The following ZFPM2 variants were observed in gnomAD, a reference collection of about 807,000 sequenced individuals.
ZFPM2 encodes zinc finger protein, FOG family member 2.
In ZFPM2, 20 loss-of-function variants were observed where a neutral mutation model predicts 98.6. That is an observed-to-expected ratio of 0.20 (90% confidence interval 0.14 to 0.29). ZFPM2 has a LOEUF of 0.29. Among genes scored for constraint, ZFPM2 ranks in the 10% least tolerant of loss-of-function variants. ZFPM2 has a pLI of 1.00. For synonymous variants in ZFPM2, 518 were observed against 502.7 expected (o/e 1.03, Z -0.41); for missense variants, 1,310 against 1,388.6 (o/e 0.94, Z 0.90).
chr8:105,698,284 A>G (rs73700128), intron 5 of ZFPM2, among the ~76,000 whole-genome samples: 2,448 of 152,288 alleles, frequency 0.016, 42 homozygotes, highest in African/African-American at 0.056. Flanking sequence ...TGCAAAGCGG[A>G]AGAGACACTA....
intron 2 of ZFPM2, among the ~76,000 whole-genome samples, chr8:105,429,620 G>A (rs1254293768): frequency 6.6e-6 from 1 of 151,178 alleles, no homozygotes; most frequent in East Asian, 1.9e-4. Context: ...TTCTGTATTG[G>A]TGGCTGACTC....
chr8:105,396,381 G>T (rs948157732), intron 1 of ZFPM2, among the ~76,000 whole-genome samples: 25 of 152,242 alleles, frequency 1.6e-4, no homozygotes, highest in African/African-American at 5.8e-4. Flanking sequence ...TCTCTGGCCT[G>T]ATGGGAGTGA....
At chr8:105,418,727 A>G (rs766119158) in intron 1 of ZFPM2, 67 of 488,358 alleles carry the variant, frequency 1.4e-4, no homozygotes, top group Admixed American at 4.3e-4. Flanking sequence ...AATGCATTCA[A>G]TTACTTTAAA....
At chr8:105,336,546 ATACTC>A in intron 1 of ZFPM2, among the ~76,000 whole-genome samples, 1 of 151,846 alleles carries the variant, frequency 6.6e-6, no homozygotes, top group Middle Eastern at 3.4e-3. Context: ...ATCTTGTTGA[ATACTC>A]TAATTGAATA....
intron 3 of ZFPM2, among the ~76,000 whole-genome samples, chr8:105,545,353 T>A (rs901409977): frequency 6.6e-6 from 1 of 152,170 alleles, no homozygotes; most frequent in Non-Finnish European, 1.5e-5. Flanking sequence ...TTCTGTTTTT[T>A]TGTAGTAGCC....
intron 3 of ZFPM2, among the ~76,000 whole-genome samples, chr8:105,472,458 G>A (rs1812922575): frequency 6.6e-6 from 1 of 152,156 alleles, no homozygotes; most frequent in Non-Finnish European, 1.5e-5. Flanking sequence ...AATATGAAAA[G>A]ATCACTGACC....
At chr8:105,668,904 A>T (rs1029638256) in intron 5 of ZFPM2, among the ~76,000 whole-genome samples, 1 of 152,174 alleles carries the variant, frequency 6.6e-6, no homozygotes, top group Non-Finnish European at 1.5e-5. Flanking sequence ...GGTTTTTAAA[A>T]TTTTTTAAAT....
At chr8:105,571,058 G>A (rs1815344177) in intron 4 of ZFPM2, among the ~76,000 whole-genome samples, 1 of 152,156 alleles carries the variant, frequency 6.6e-6, no homozygotes, top group Non-Finnish European at 1.5e-5. Flanking sequence ...GATGATCAAA[G>A]CTGATCCACT....
At chr8:105,589,264 TATTAAAAATGACAATCCCCA>T (rs1231730932) in intron 4 of ZFPM2, among the ~76,000 whole-genome samples, 1 of 152,214 alleles carries the variant, frequency 6.6e-6, no homozygotes, top group African/African-American at 2.4e-5. Flanking sequence ...AGAAATAGTG[TATTAAAAATGACAATCCCCA>T]ATTTTATCAT....
rs576613497 is a variant in ZFPM2 at position 105,380,904 on chromosome 8, T to A, written c.41-38240T>A. ...TATATATTATAATATATATAATATA[T>A]AATATATATGTTATATATATTATAA... On this transcript the variant is annotated intron_variant, in intron 1 of 7. Transcript: ENST00000407775. Among the ~76,000 whole-genome samples the A allele has an allele frequency of 6.6e-4, 66 of 99,872 alleles. 1 individual carries two copies. The South Asian group carries it at 6.8e-3, about 10-fold the overall frequency. 65.5% of individuals were successfully genotyped at this position (99,872 alleles called of 152,430 possible). A position where few individuals can be genotyped will look rare whatever the true frequency, so the allele number is the denominator to read the frequency against.
At chr8:105,649,855 G>A (rs1160820909) in intron 5 of ZFPM2, among the ~76,000 whole-genome samples, 2 of 152,154 alleles carry the variant, frequency 1.3e-5, no homozygotes, top group African/African-American at 4.8e-5. Flanking sequence ...TTTTGGTTGT[G>A]TCTCTGCCAG....
Position 105,747,235 on chromosome 8 carries a change from T to C in ZFPM2, c.533-41483T>C, listed in dbSNP as rs1452158209. 2.6e-5 allele frequency among the ~76,000 whole-genome samples: 4 copies of C among 152,072 alleles called. No homozygotes were observed. The East Asian group carries it at 7.8e-4, about 29-fold the overall frequency. On this transcript the variant is annotated intron_variant, in intron 5 of 7. Coordinates refer to ENST00000407775, the MANE Select transcript of ZFPM2 (RefSeq NM_012082.4). ...TCTGTTCAGGCTCAGAATTTGATAA[T>C]AACATTTCCAAATTGTAAAAATAAA...
intron 3 of ZFPM2, among the ~76,000 whole-genome samples, chr8:105,472,396 A>G (rs537401604): frequency 2.6e-5 from 4 of 152,360 alleles, no homozygotes; most frequent in South Asian, 2.1e-4. Context: ...TTATTGAATC[A>G]TTAGTTCTGA....
rs79642118 is a variant in ZFPM2, at chr8:105,607,180, G to A, written c.421-27066G>A. ...ATTTACAGAATTGGCTTACAAATAGGTAACACCTTAATAATGTAGTTTTAC... is the reference window on the plus strand; with the variant it reads ...ATTTACAGAATTGGCTTACAAATAGATAACACCTTAATAATGTAGTTTTAC... On this transcript the variant is annotated intron_variant, in intron 4 of 7. Coordinates refer to ENST00000407775, the MANE Select transcript of ZFPM2 (RefSeq NM_012082.4). Among the ~76,000 whole-genome samples the A allele has an allele frequency of 7.2e-4, 109 of 152,142 alleles. 1 individual carries two copies. The highest frequency in any genetic ancestry group is 1.4e-3 in the Non-Finnish European group (92 of 67,970).
chr8:105,426,292 A>T (rs1239359377), intron 2 of ZFPM2, among the ~76,000 whole-genome samples: 5 of 152,244 alleles, frequency 3.3e-5, no homozygotes, highest in Non-Finnish European at 5.9e-5. Flanking sequence ...AGAAAAGCCA[A>T]TATGACTTTG....
chr8:105,458,841 T>G (rs1812649830), intron 3 of ZFPM2, among the ~76,000 whole-genome samples: 1 of 150,564 alleles, frequency 6.6e-6, no homozygotes, highest in Admixed American at 6.6e-5. Context: ...ATCATATTCC[T>G]TAGTAGAGAA....
intron 3 of ZFPM2, among the ~76,000 whole-genome samples, chr8:105,481,692 A>ATAC (rs1813120823): frequency 6.6e-6 from 1 of 152,118 alleles, no homozygotes; most frequent in Admixed American, 6.5e-5. Flanking sequence ...GAATGGTATT[A>ATAC]ATATAGTAAG....
At chr8:105,481,681 T>C (rs549719998) in intron 3 of ZFPM2, among the ~76,000 whole-genome samples, 18 of 152,230 alleles carry the variant, frequency 1.2e-4, no homozygotes, top group African/African-American at 4.1e-4. Context: ...GTCTGTTAAG[T>C]GAATGGTATT....
chr8:105,475,916 G>T (rs1813004066), intron 3 of ZFPM2, among the ~76,000 whole-genome samples: 1 of 152,152 alleles, frequency 6.6e-6, no homozygotes, highest in African/African-American at 2.4e-5. Flanking sequence ...AAAATGAGAT[G>T]TACATCATAA....
Sources: allele counts gnomAD v4.1 joint callset (sites outside exome capture counted in the v4.1 genomes callset), GRCh38; gene constraint gnomAD v4.1.1; transcripts MANE v1.5; gene names NCBI Gene and HGNC (gene_info 2026-07-23, HGNC 2026-07-21).